Variants in TBC1D26 observed in about 807,000 individuals in gnomAD.
TBC1D26 encodes the protein TBC1 domain family member 26.
In TBC1D26, 19 loss-of-function variants were observed where a neutral mutation model predicts 42.5. The observed-to-expected ratio is 0.45, with a 90% CI of 0.31 to 0.66. The LOEUF is 0.66. TBC1D26 is among the 30% of genes least tolerant of loss of function. The pLI, the probability that TBC1D26 is intolerant of heterozygous loss-of-function variation, is 0.06. For missense variants in TBC1D26, 228 were observed against 332.6 expected, an observed-to-expected ratio of 0.69 and a Z score of 2.45; for synonymous variants, 97 against 123.5, an observed-to-expected ratio of 0.79 and a Z score of 1.42.
At chr17:15,733,397 C>A (rs933623820) in intron 1 of TBC1D26, among the ~76,000 whole-genome samples, 202 of 152,292 alleles carry the variant, frequency 1.3e-3, no homozygotes, top group Non-Finnish European at 1.7e-3. Flanking sequence ...GACCTTGCCA[C>A]TCACACCCAG....
At chr17:15,741,071 G>A (rs1174646982) in intron 9 of TBC1D26, 51 bp from the exon 10 acceptor site, 1 of 1,599,654 alleles carries the variant, frequency 6.3e-7, no homozygotes, top group African/African-American at 1.3e-5. Flanking sequence ...CTCCCAGGTG[G>A]CCTCAGTCCT....
At position 15,737,985 on chromosome 17, in the gene TBC1D26, C is replaced by A. The variant is rs202194905; in HGVS notation, c.199-12C>A. On this transcript the variant is annotated splice_polypyrimidine_tract_variant and intron_variant, in intron 5 of 14. Coordinates refer to ENST00000437605, the MANE Select transcript of TBC1D26 (RefSeq NM_001388465.1). ...GGCAGCTCCGCTAACTCCATCATGG[C>A]TCATTTGACAGCAAAGACGCAAGGA... The A allele has an allele frequency of 6.2e-7, 1 of 1,614,052 alleles. No homozygotes were observed. Among genetic ancestry groups the A allele is most frequent in the South Asian group, 1.1e-5 (1 of 91,068 alleles).
At chr17:15,738,552 C>T (rs1967687340) in intron 7 of TBC1D26, 165 bp downstream of exon 7, 12 of 1,339,122 alleles carry the variant, frequency 9.0e-6, no homozygotes, top group Non-Finnish European at 1.2e-5. Context: ...GTGCGCTGGG[C>T]TCTGCTGACC....
chr17:15,739,207 G>A (rs1302666003), intron 8 of TBC1D26, among the ~76,000 whole-genome samples: 1 of 151,034 alleles, frequency 6.6e-6, no homozygotes, highest in African/African-American at 2.4e-5. Context: ...ATACTAGAAA[G>A]GATGCGGGGC....
Position 15,742,048 on chromosome 17 carries a change from A to G in TBC1D26, c.741+12A>G. ...TCATGAGACACCTGGTGAGTGGATGACACCCTCAGCTCCTAACCAGACGCC... is the reference window on the plus strand; with the variant it reads ...TCATGAGACACCTGGTGAGTGGATGGCACCCTCAGCTCCTAACCAGACGCC... On this transcript the variant is annotated intron_variant, in intron 11 of 14. Coordinates refer to ENST00000437605, the MANE Select transcript of TBC1D26 (RefSeq NM_001388465.1). 6 of 1,612,130 alleles carry G rather than the reference A, an allele frequency of 3.7e-6. No individual in the cohort carries two copies. The highest frequency in any genetic ancestry group is 3.3e-5 in the South Asian group (3 of 91,018).
At position 15,739,528 on chromosome 17, in the gene TBC1D26, C is replaced by G. The variant is rs2529973; in HGVS notation, c.498-572C>G. Among the ~76,000 whole-genome samples the G allele has an allele frequency of 6.6e-5, 9 of 136,290 alleles. No individual in the cohort carries two copies. In the East Asian group the frequency reaches 1.7e-3, roughly 26 times the overall value. The allele number at this position is 136,290 out of a possible 152,430, so 89.4% of individuals were successfully genotyped here. A position where few individuals can be genotyped will look rare whatever the true frequency, so the allele number is the denominator to read the frequency against. ...GGAAAAGGAACGAACCCCCAATGCC[C>G]GCAGGAACATGGGTGGATCTTAGAT... On this transcript the variant is annotated intron_variant, in intron 8 of 14. Transcript: ENST00000437605.
chr17:15,738,045 G>T lies in TBC1D26; in HGVS notation c.247G>T (p.Ala83Ser). ...TACCAACAAGTGGCAAAAGATGCTT[G>T]CAGACTGGACAAAATATAGGAGCAC... ...KRTNKWQKML[A>S]DWTKYRSTKK... Residue 83 changes from alanine (A) to serine (S), a missense_variant, in exon 6 of 15, where the codon GCA becomes TCA. Ala to Ser is a moderately conservative substitution (Grantham distance 99). This residue lies in a region of TBC1D26 where 72 missense variants were observed against 90.1 expected (regional missense o/e 0.80). Coordinates refer to ENST00000437605, the MANE Select transcript of TBC1D26 (RefSeq NM_001388465.1). 1 of 1,614,218 alleles carries T rather than the reference G, an allele frequency of 6.2e-7. No homozygotes were observed. Among genetic ancestry groups the T allele is most frequent in the East Asian group, 2.2e-5 (1 of 44,866 alleles).
intron 11 of TBC1D26, 113 bp downstream of exon 11, chr17:15,742,149 C>T: frequency 3.5e-6 from 3 of 857,042 alleles, no homozygotes; most frequent in South Asian, 3.4e-5. Flanking sequence ...CACGGCCTGA[C>T]CTGGGATGGG....
chr17:15,733,314 A>G (rs2529995), intron 1 of TBC1D26, among the ~76,000 whole-genome samples: 1,639 of 150,464 alleles, frequency 0.011, 22 homozygotes, highest in African/African-American at 0.029. Flanking sequence ...CCTTGCCTCC[A>G]TCCATAGCAG....
chr17:15,734,257 G>A (rs1967551854), intron 1 of TBC1D26, among the ~76,000 whole-genome samples: 1 of 151,846 alleles, frequency 6.6e-6, no homozygotes, highest in Non-Finnish European at 1.5e-5. Flanking sequence ...AATGAGGCAG[G>A]GTCTGGTCCT....
rs371552821 is a variant in TBC1D26, at chr17:15,741,996, A to G, written c.701A>G (p.Gln234Arg). The G allele has an allele frequency of 6.2e-7, 1 of 1,613,978 alleles. No individual in the cohort carries two copies. Among genetic ancestry groups the G allele is most frequent in the African/African-American group, 1.3e-5 (1 of 74,914 alleles). Residue 234 changes from glutamine (Q) to arginine (R), a missense_variant, in exon 11 of 15, where the codon CAG becomes CGG. By Grantham distance (43) the Gln-to-Arg change is conservative. Coordinates refer to ENST00000437605, the MANE Select transcript of TBC1D26 (RefSeq NM_001388465.1). Reference sequence around the variant, plus strand: ...GAGAGGCTCCTATCGCACCAGGAGCAGGTGCTGCACAAGTCCTTCCCAAAG... The same window carrying G: ...GAGAGGCTCCTATCGCACCAGGAGCGGGTGCTGCACAAGTCCTTCCCAAAG... The part of the protein sequence containing the change: ...WLERLLSHQE[Q>R]VLHKSFPKIM...
At position 15,738,871 on chromosome 17, in the gene TBC1D26, G is replaced by A. The variant is rs190576065; in HGVS notation, c.497+41G>A. 6,648 of 1,608,260 alleles carry A rather than the reference G, an allele frequency of 4.1e-3. 72 individuals carry two copies. The highest frequency in any genetic ancestry group is 4.1e-3 in the Non-Finnish European group (4,789 of 1,179,258). On this transcript the variant is annotated intron_variant, in intron 8 of 14. Transcript: ENST00000437605. ...CTTGCAGGGGTCCCAGGGAAGATGG[G>A]GCAATCCAGAGGAATGAGGTTGTCC...
At chr17:15,740,665 G>C (rs961227871) in intron 9 of TBC1D26, 136 of 1,086,058 alleles carry the variant, frequency 1.3e-4, no homozygotes, top group Non-Finnish European at 1.5e-4. Flanking sequence ...TGAGCTGACT[G>C]CATGAGCTGC....
chr17:15,743,023 C>G lies in TBC1D26; in HGVS notation c.907+15C>G, dbSNP rs1166852434. On this transcript the variant is annotated intron_variant, in intron 13 of 14. Coordinates refer to ENST00000437605, the MANE Select transcript of TBC1D26 (RefSeq NM_001388465.1). ...AATACACAGGAGTAAGTCCCGTGTG[C>G]CCGAGGGTGCTTGGGGGAACATGTG... The G allele has an allele frequency of 1.3e-5, 2 of 153,432 alleles. No individual in the cohort carries two copies. Among genetic ancestry groups the G allele is most frequent in the African/African-American group, 4.8e-5 (2 of 41,448 alleles). The allele number at this position is 153,432 out of a possible 1,614,324, so 9.5% of individuals were successfully genotyped here.
intron 2 of TBC1D26, 84 bp from the exon 3 acceptor site, chr17:15,735,264 T>C (rs542217894): frequency 9.2e-7 from 1 of 1,090,724 alleles, no homozygotes; most frequent in African/African-American, 1.5e-5. Context: ...GACTGGAGTG[T>C]GTCTGGGAGT....
rs776050557 is a variant in TBC1D26, at chr17:15,735,372, T to A, written c.24T>A (p.Tyr8Ter). 11 of 1,613,750 alleles carry A rather than the reference T, an allele frequency of 6.8e-6. No individual in the cohort carries two copies. Among genetic ancestry groups the A allele is most frequent in the Admixed American group, 3.3e-5 (2 of 59,978 alleles). ...GGATGGAGATGGATGGGGACCCGTATAACCTGCCTGCCCAGGGGCAAGGCA... is the reference window on the plus strand; with the variant it reads ...GGATGGAGATGGATGGGGACCCGTAAAACCTGCCTGCCCAGGGGCAAGGCA... MEMDGDP[Y>*]NLPAQGQGNI... The change falls in exon 3 of 15, where the codon TAT (tyrosine) becomes TAA (stop). Residue 8 changes from tyrosine to a stop codon, truncating the protein, a stop_gained. Transcript: ENST00000437605. LOFTEE classifies it high-confidence loss of function.
chr17:15,739,936 GA>G (rs1185338827), intron 8 of TBC1D26, among the ~76,000 whole-genome samples, 163 bp from the exon 9 acceptor site: 2 of 152,104 alleles, frequency 1.3e-5, no homozygotes, highest in Non-Finnish European at 2.9e-5. Flanking sequence ...GGATTTTACT[GA>G]AAAAAAATTC....
At chr17:15,737,887 G>C (rs1324095155) in intron 5 of TBC1D26, 110 bp from the exon 6 acceptor site, 95 of 1,424,430 alleles carry the variant, frequency 6.7e-5, no homozygotes, top group Non-Finnish European at 9.1e-5. Flanking sequence ...CCCTTTCCTG[G>C]CTTCTTCAAG....
intron 14 of TBC1D26, 77 bp downstream of exon 14, chr17:15,743,593 G>A (rs1186144942): frequency 7.0e-5 from 34 of 488,236 alleles, no homozygotes; most frequent in Non-Finnish European, 8.6e-5. Flanking sequence ...GGCCCCGCCA[G>A]CCCTCCTACC....
Sources: gnomAD v4.1 joint callset for allele counts (sites outside exome capture counted in the v4.1 genomes callset) on GRCh38, gnomAD v4.1.1 for gene constraint, gnomAD v4.1.1 regional missense constraint, MANE v1.5 for transcripts, NCBI Gene and HGNC (gene_info 2026-07-23, HGNC 2026-07-21) for gene names.